Variants in SAP30BP observed in about 807,000 individuals in gnomAD.
SAP30BP encodes SAP30-binding protein.
A neutral mutation model predicts 46.3 loss-of-function variants in SAP30BP; 31 were observed. That is an observed-to-expected ratio of 0.67 (90% confidence interval 0.50 to 0.90). The LOEUF (loss-of-function observed/expected upper bound fraction) is 0.90. Ranked by LOEUF, SAP30BP falls within the 40% of genes least tolerant of loss-of-function variation. The pLI, the probability that SAP30BP is intolerant of heterozygous loss-of-function variation, is 0.00. For synonymous variants in SAP30BP, 169 were observed against 144.2 expected (o/e 1.17, Z -1.23); for missense variants, 312 against 391.0 (o/e 0.80, Z 1.70).
At chr17:75,696,034 C>T (rs1460769232) in intron 4 of SAP30BP, among the ~76,000 whole-genome samples, 1 of 152,216 alleles carries the variant, frequency 6.6e-6, no homozygotes, top group Non-Finnish European at 1.5e-5. Flanking sequence ...CAGATCCCTC[C>T]CTGGCAGCTG....
intron 3 of SAP30BP, among the ~76,000 whole-genome samples, chr17:75,688,141 G>C (rs900753060): frequency 1.3e-5 from 2 of 152,180 alleles, no homozygotes; most frequent in Non-Finnish European, 2.9e-5. Flanking sequence ...GGCAGGAGTG[G>C]GGAGAAGGTG....
At chr17:75,680,541 T>C (rs2148385710) in intron 3 of SAP30BP, among the ~76,000 whole-genome samples, 1 of 152,172 alleles carries the variant, frequency 6.6e-6, no homozygotes, top group South Asian at 2.1e-4. Flanking sequence ...CTTTGCAAGG[T>C]GGTTGTGACT....
At position 75,689,805 on chromosome 17, in the gene SAP30BP, C is replaced by A. The variant is rs535981050; in HGVS notation, c.265-3635C>A. Among the ~76,000 whole-genome samples the A allele has an allele frequency of 2.0e-5, 3 of 152,312 alleles. No individual in the cohort carries two copies. In the East Asian group the frequency reaches 5.8e-4, roughly 29 times the overall value. On this transcript the variant is annotated intron_variant, in intron 3 of 10. Transcript: ENST00000584667. ...CACAGCCCTTCTTTCCGCTTCCTGC[C>A]TCTTTAAGGGCATAGTGAGAATCTC... is the stretch of plus-strand genomic sequence containing the variant.
intron 3 of SAP30BP, chr17:75,690,628 C>T (rs918387555): frequency 2.2e-6 from 1 of 455,126 alleles, no homozygotes; most frequent in Non-Finnish European, 4.4e-6. Flanking sequence ...CAAGCGAGCA[C>T]TTTAGGATCC....
chr17:75,706,262 C>G lies in SAP30BP; in HGVS notation c.746-78C>G. 1 of 1,554,592 alleles carries G rather than the reference C, an allele frequency of 6.4e-7. No individual in the cohort carries two copies. The highest frequency in any genetic ancestry group is 1.2e-5 in the South Asian group (1 of 86,824). On this transcript the variant is annotated intron_variant, in intron 10 of 10. Coordinates refer to ENST00000584667, the MANE Select transcript of SAP30BP (RefSeq NM_013260.8). This position sits in a 1 kb window ranked among gnomAD's most constrained non-coding sequence, Gnocchi z 4.6. Reference sequence around the variant, plus strand: ...ACTTCGGGGTCTGCTCCCTAGACTCCCGCTGGCCTGCAGGGGGAAGGGAAA... The same window carrying G: ...ACTTCGGGGTCTGCTCCCTAGACTCGCGCTGGCCTGCAGGGGGAAGGGAAA...
At chr17:75,687,964 C>CTGTGTGTGTG (rs2060186573) in intron 3 of SAP30BP, among the ~76,000 whole-genome samples, 1 of 72,306 alleles carries the variant, frequency 1.4e-5, no homozygotes, top group African/African-American at 5.5e-5. Flanking sequence ...GTGAGAGAGA[C>CTGTGTGTGTG]AGAGAGAGGT....
At chr17:75,691,582 C>T (rs1439384771) in intron 3 of SAP30BP, 2 of 433,422 alleles carry the variant, frequency 4.6e-6, no homozygotes, top group East Asian at 1.4e-4. Context: ...GACTAACTTC[C>T]TGTGGCTTTG....
intron 3 of SAP30BP, chr17:75,691,477 A>G (rs984029989): frequency 4.4e-6 from 2 of 456,582 alleles, no homozygotes; most frequent in African/African-American, 2.0e-5. Flanking sequence ...AAAAGCCACA[A>G]GAAGCCACGG....
chr17:75,703,350 G>A lies in SAP30BP; in HGVS notation c.528G>A (p.Glu176=). ...TGATCCAGTTCTGTGCCATTGACGA[G>A]CTTGGCACCAACTACCCAAAGGTGC... ...EKLIQFCAID[E]LGTNYPKDMF... is the part of the protein sequence containing the mutation. Residue 176 remains glutamate (E), a synonymous_variant, in exon 7 of 11, where the codon GAG becomes GAA. Transcript: ENST00000584667. 6.2e-7 allele frequency: 1 copy of A among 1,614,112 alleles called. No homozygotes were observed.
rs542825401 is a variant in SAP30BP at position 75,689,572 on chromosome 17, G to A, written c.265-3868G>A. ...GTTGTTGCTCATGTCTCTGGGCTGC[G>A]GGTTCCATGCCCTCTGGCTGATGTA... is the stretch of plus-strand genomic sequence containing the variant. On this transcript the variant is annotated intron_variant, in intron 3 of 10. Transcript: ENST00000584667. 2.1e-3 allele frequency among the ~76,000 whole-genome samples: 315 copies of A among 152,262 alleles called. 3 individuals are homozygous for A. The highest frequency in any genetic ancestry group is 4.1e-3 in the Non-Finnish European group (276 of 68,024).
At position 75,668,581 on chromosome 17, in the gene SAP30BP, G is replaced by A; in HGVS notation, c.172G>A (p.Glu58Lys). 13 of 1,607,874 alleles carry A rather than the reference G, an allele frequency of 8.1e-6. No individual in the cohort carries two copies. Among genetic ancestry groups the A allele is most frequent in the Non-Finnish European group, 1.1e-5 (13 of 1,177,572 alleles). The change falls in exon 2 of 11, where the codon GAA (glutamate) becomes AAA (lysine). Residue 58 changes from glutamate (E) to lysine (K), a missense_variant. Glu to Lys is a moderately conservative substitution (Grantham distance 56, BLOSUM62 1). Around this residue, in one of 2 missense-constraint regions of SAP30BP, gnomAD observed 296 missense variants for 346.6 expected, o/e 0.85. Transcript: ENST00000584667. ...EDDFSRLGGD[E>K]DGYEEEEDEN... is the part of the protein sequence containing the mutation. ...TGACTTTTCTCGTCTAGGGGGTGAT[G>A]AAGATGGTTATGAAGAAGAAGAAGA... is the stretch of plus-strand genomic sequence containing the variant.
chr17:75,703,971 C>G (rs1373616209), intron 8 of SAP30BP, 112 bp downstream of exon 8: 1 of 854,724 alleles, frequency 1.2e-6, no homozygotes, highest in Non-Finnish European at 2.0e-6. Flanking sequence ...CTATGTCAGG[C>G]CATGTTCAAG....
chr17:75,697,029 G>A (rs370801045), intron 4 of SAP30BP, among the ~76,000 whole-genome samples: 2 of 151,908 alleles, frequency 1.3e-5, no homozygotes, highest in African/African-American at 2.4e-5. Flanking sequence ...CGCCCGCCTC[G>A]GCCTCCCAAA....
rs950873831 is a variant in SAP30BP at position 75,707,423 on chromosome 17, G to C, written c.*902G>C. 3.3e-5 allele frequency: 5 copies of C among 152,696 alleles called. No individual in the cohort carries two copies. The highest frequency in any genetic ancestry group is 1.2e-4 in the African/African-American group (5 of 41,452). The allele number at this position is 152,696 out of a possible 1,614,324, so 9.5% of individuals were successfully genotyped here. A position where few individuals can be genotyped will look rare whatever the true frequency, so the allele number is the denominator to read the frequency against. On this transcript the variant is annotated 3_prime_UTR_variant, in exon 11 of 11. Coordinates refer to ENST00000584667, the MANE Select transcript of SAP30BP (RefSeq NM_013260.8). Reference sequence around the variant, plus strand: ...CTGGGCTCCCCCCGGGGTTGAAACGGGTTTCCCAGACCAGGGGTTCAGAGG... The same window carrying C: ...CTGGGCTCCCCCCGGGGTTGAAACGCGTTTCCCAGACCAGGGGTTCAGAGG...
chr17:75,703,288 C>T (rs1306861805), intron 6 of SAP30BP, 23 bp from the exon 7 acceptor site: 1 of 1,613,392 alleles, frequency 6.2e-7, no homozygotes, highest in African/African-American at 1.3e-5. Flanking sequence ...TGTGCCTGCT[C>T]AGCGCCGGCA....
chr17:75,706,443 G>A lies in SAP30BP; in HGVS notation c.849G>A (p.Thr283=), dbSNP rs767648382. ...CAGCCACCCTGCCAGCTGTTGTCAC[G>A]GTCACCACCAGCGCCAGCGGCTCCA... is the stretch of plus-strand genomic sequence containing the variant. ...TTTATLPAVV[T]VTTSASGSKT... The change falls in exon 11 of 11, where the codon ACG becomes ACA. Residue 283 remains threonine (T), a synonymous_variant. Transcript: ENST00000584667. The surrounding 1 kb of genome is among the most constrained non-coding windows in gnomAD (Gnocchi z 4.6). 1.2e-5 allele frequency: 20 copies of A among 1,614,006 alleles called. No individual in the cohort carries two copies. Among genetic ancestry groups the A allele is most frequent in the Admixed American group, 6.7e-5 (4 of 60,004 alleles).
chr17:75,680,133 G>T (rs549644562), intron 3 of SAP30BP, among the ~76,000 whole-genome samples: 4 of 152,050 alleles, frequency 2.6e-5, no homozygotes, highest in East Asian at 1.9e-4. Context: ...GACTGGGATC[G>T]CCGGCCTCCC....
chr17:75,676,759 A>T (rs940653192), intron 3 of SAP30BP, among the ~76,000 whole-genome samples: 4 of 152,234 alleles, frequency 2.6e-5, no homozygotes, highest in Non-Finnish European at 5.9e-5. Context: ...GAGAGTTCAC[A>T]TTCGCATAGC....
chr17:75,671,028 C>G (rs2059899888), intron 2 of SAP30BP, among the ~76,000 whole-genome samples: 1 of 152,202 alleles, frequency 6.6e-6, no homozygotes, highest in Non-Finnish European at 1.5e-5. Flanking sequence ...CTTTGACCTT[C>G]ATAGCATCAG....
Sources: gnomAD v4.1 joint callset for allele counts (sites outside exome capture counted in the v4.1 genomes callset) on GRCh38, gnomAD v4.1.1 for gene constraint, gnomAD v4.1.1 regional missense constraint, Gnocchi (gnomAD v3.1) non-coding constraint, MANE v1.5 for transcripts, NCBI Gene and HGNC (gene_info 2026-07-23, HGNC 2026-07-21) for gene names.